Variants in EIF5B observed in about 807,000 individuals in gnomAD.
EIF5B encodes eIF-5B.
EIF5B carries 47 observed loss-of-function variants against 147.5 expected under a neutral mutation model. The observed-to-expected ratio is 0.32, with a 90% CI of 0.25 to 0.41. The LOEUF is 0.41. Ranked by LOEUF, EIF5B falls within the 10% of genes least tolerant of loss-of-function variation. EIF5B has a pLI of 1.00. For synonymous variants in EIF5B, 455 were observed against 456.2 expected (o/e 1.00, Z 0.03); for missense variants, 1,064 against 1,413.2 (o/e 0.75, Z 3.96).
chr2:99,373,207 G>A lies in EIF5B; in HGVS notation c.1552+1477G>A, dbSNP rs146648087. 3.8e-4 allele frequency among the ~76,000 whole-genome samples: 58 copies of A among 152,112 alleles called. No individual in the cohort carries two copies. In the East Asian group the frequency reaches 8.5e-3, roughly 22 times the overall value. ...TATCTTTATGACTCTTTTTGTATCC[G>A]TAAATAGCATTATCTTAGTCCATTT... On this transcript the variant is annotated intron_variant, in intron 9 of 23. Transcript: ENST00000289371.
intron 12 of EIF5B, among the ~76,000 whole-genome samples, chr2:99,379,978 C>G (rs1158111141): frequency 1.3e-5 from 2 of 152,132 alleles, no homozygotes; most frequent in Non-Finnish European, 2.9e-5. Context: ...TCAAAGATCT[C>G]TTCTCCAGCC....
At chr2:99,380,013 C>T (rs1422010337) in intron 12 of EIF5B, among the ~76,000 whole-genome samples, 2 of 152,146 alleles carry the variant, frequency 1.3e-5, no homozygotes, top group African/African-American at 4.8e-5. Context: ...TAATCTCTAC[C>T]TTTTAATGTG....
At chr2:99,397,232 A>G (rs575677194) in intron 22 of EIF5B, 10 of 177,132 alleles carry the variant, frequency 5.6e-5, no homozygotes, top group Admixed American at 1.2e-4. Flanking sequence ...TTTTATTTTG[A>G]AAGGTTTCAA....
rs1675000019 is a variant in EIF5B at position 99,394,378 on chromosome 2, C to T, written c.2992C>T (p.Leu998=). 1 of 1,613,852 alleles carries T rather than the reference C, an allele frequency of 6.2e-7. No homozygotes were observed. Among genetic ancestry groups the T allele is most frequent in the African/African-American group, 1.3e-5 (1 of 74,878 alleles). ...LGSLEALLEF[L]KTSEVPYAGI... is the part of the protein sequence containing the mutation. ...TTCTTTGGAAGCTCTACTGGAATTT[C>T]TGAAAACATCAGAAGTGCCCGTAAG... Residue 998 remains leucine, a synonymous_variant, in exon 19 of 24, where the codon CTG becomes TTG. Coordinates refer to ENST00000289371, the MANE Select transcript of EIF5B (RefSeq NM_015904.4).
At chr2:99,356,957 T>C (rs1674109959) in intron 1 of EIF5B, among the ~76,000 whole-genome samples, 1 of 152,224 alleles carries the variant, frequency 6.6e-6, no homozygotes, top group South Asian at 2.1e-4. Flanking sequence ...TTGTTGAGTT[T>C]TAAGAGTTCT....
At chr2:99,364,476 T>TATAA in intron 6 of EIF5B, 55 bp downstream of exon 6, 1 of 1,463,474 alleles carries the variant, frequency 6.8e-7, no homozygotes, top group Non-Finnish European at 9.1e-7. Context: ...CATGCAGTTA[T>TATAA]ATCCCTTAAT....
At chr2:99,359,540 G>A (rs752022080) in intron 1 of EIF5B, among the ~76,000 whole-genome samples, 1 of 152,094 alleles carries the variant, frequency 6.6e-6, no homozygotes, top group Non-Finnish European at 1.5e-5. Flanking sequence ...ATTTTCTGTA[G>A]GTTTTAGCTG....
chr2:99,384,729 C>T (rs746031652), intron 14 of EIF5B, among the ~76,000 whole-genome samples: 3 of 152,106 alleles, frequency 2.0e-5, no homozygotes, highest in African/African-American at 7.2e-5. Context: ...GAAGTCACTG[C>T]GGATGTGGTA....
chr2:99,348,665 C>T (rs777454489), intron 1 of EIF5B, among the ~76,000 whole-genome samples: 4 of 152,034 alleles, frequency 2.6e-5, no homozygotes, highest in Non-Finnish European at 4.4e-5. Flanking sequence ...AGAGTTTTGG[C>T]GGAGAGGGGC....
intron 9 of EIF5B, among the ~76,000 whole-genome samples, chr2:99,374,932 A>T (rs1674531584): frequency 6.7e-6 from 1 of 149,724 alleles, no homozygotes; most frequent in Non-Finnish European, 1.5e-5. Flanking sequence ...TTCATTCTGG[A>T]TTGCTTCTCT....
intron 14 of EIF5B, among the ~76,000 whole-genome samples, chr2:99,385,034 C>T (rs142445732): frequency 9.2e-5 from 14 of 152,246 alleles, no homozygotes; most frequent in Non-Finnish European, 1.6e-4. Context: ...AGCAGCATTA[C>T]ATGCTACAGA....
In EIF5B at chr2:99,401,294, T is replaced by G. The variant is rs1675362120; in HGVS notation, c.*1880T>G. ...GTTTGTTGTAAAACCACCTGGACAT[T>G]GTCAAGAATAAAGTCAAATGCCATA... On this transcript the variant is annotated 3_prime_UTR_variant, in exon 24 of 24. Transcript: ENST00000289371. 1.2e-6 allele frequency: 2 copies of G among 1,613,780 alleles called. No individual in the cohort carries two copies. The highest frequency in any genetic ancestry group is 1.7e-6 in the Non-Finnish European group (2 of 1,179,866).
At chr2:99,396,585 A>C (rs1007542680) in intron 21 of EIF5B, among the ~76,000 whole-genome samples, 175 bp from the exon 22 acceptor site, 2 of 152,188 alleles carry the variant, frequency 1.3e-5, no homozygotes, top group African/African-American at 4.8e-5. Context: ...AACAAGGAAG[A>C]AGCGCTCTGG....
At chr2:99,347,321 T>C (rs2094275463) in intron 1 of EIF5B, among the ~76,000 whole-genome samples, 1 of 152,190 alleles carries the variant, frequency 6.6e-6, no homozygotes. Flanking sequence ...AATAGTCTTA[T>C]ATCAAATAGT....
intron 6 of EIF5B, among the ~76,000 whole-genome samples, chr2:99,367,567 G>C (rs1674354939): frequency 6.6e-6 from 1 of 151,780 alleles, no homozygotes. Context: ...CTCCTGAGTA[G>C]CTGGGATTAT....
At chr2:99,354,248 C>T (rs1465411059) in intron 1 of EIF5B, among the ~76,000 whole-genome samples, 1 of 152,048 alleles carries the variant, frequency 6.6e-6, no homozygotes, top group Non-Finnish European at 1.5e-5. Context: ...TGTAGTGATT[C>T]GTATGTAGTG....
chr2:99,338,915 A>AGTGT (rs752676723), intron 1 of EIF5B, among the ~76,000 whole-genome samples: 1,121 of 46,772 alleles, frequency 0.024, 11 homozygotes, highest in Middle Eastern at 0.042. Context: ...ACCTACTAGA[A>AGTGT]GTGTGTGTAT....
rs370623306 is a variant in EIF5B at position 99,359,277 on chromosome 2, G to A, written c.36-959G>A. On this transcript the variant is annotated intron_variant, in intron 1 of 23. Coordinates refer to ENST00000289371, the MANE Select transcript of EIF5B (RefSeq NM_015904.4). ...CCAGCTACTCGGGAGGCTGAGGCAGGAGAATCGCTTGAACCCAGGAGGTGG... is the reference window on the plus strand; with the variant it reads ...CCAGCTACTCGGGAGGCTGAGGCAGAAGAATCGCTTGAACCCAGGAGGTGG... 2.6e-5 allele frequency among the ~76,000 whole-genome samples: 4 copies of A among 152,048 alleles called. No homozygotes were observed. The South Asian group carries it at 8.3e-4, about 32-fold the overall frequency.
At chr2:99,372,409 G>T (rs746196070) in intron 9 of EIF5B, among the ~76,000 whole-genome samples, 2 of 152,106 alleles carry the variant, frequency 1.3e-5, no homozygotes, top group Non-Finnish European at 2.9e-5. Context: ...CGCAATCTCG[G>T]CTCACAACAA....
Sources: gnomAD v4.1 joint callset for allele counts (sites outside exome capture counted in the v4.1 genomes callset) on GRCh38, gnomAD v4.1.1 for gene constraint, MANE v1.5 for transcripts, NCBI Gene and HGNC (gene_info 2026-07-23, HGNC 2026-07-21) for gene names.